Variants in TSC2 observed in about 807,000 individuals in gnomAD.
TSC2 encodes TSC complex subunit 2.
TSC2 carries 29 observed loss-of-function variants against 202.2 expected under a neutral mutation model. That is an observed-to-expected ratio of 0.14 (90% CI 0.11 to 0.20). TSC2 has a LOEUF of 0.20. Among genes scored for constraint, TSC2 ranks in the 10% least tolerant of loss-of-function variants. TSC2 has a pLI of 1.00. For synonymous variants in TSC2, 1,349 were observed against 1,044.0 expected, an observed-to-expected ratio of 1.29 and a Z score of -5.63; for missense variants, 2,429 against 2,420.0, an observed-to-expected ratio of 1.00 and a Z score of -0.08.
intron 22 of TSC2, 114 bp from the exon 23 acceptor site, chr16:2,075,684 TG>T: frequency 9.0e-7 from 1 of 1,111,426 alleles, no homozygotes; most frequent in Non-Finnish European, 1.3e-6. Context: ...CGTGTGGCCG[TG>T]GCCTTCTCTC....
In TSC2 at chr16:2,065,655, C is replaced by T. The variant is rs781703479; in HGVS notation, c.1716+20C>T. ...CTTCAGGTGGGTGTTCTGCACGAGG[C>T]CTCTGCTCCCGGGGCGCGCATGGCT... On this transcript the variant is annotated intron_variant, in intron 16 of 41. Coordinates refer to ENST00000219476, the MANE Select transcript of TSC2 (RefSeq NM_000548.5). 8.1e-6 allele frequency: 13 copies of T among 1,605,414 alleles called. No homozygotes were observed. The highest frequency in any genetic ancestry group is 1.7e-4 in the Middle Eastern group (1 of 5,996).
chr16:2,058,951 G>T, intron 10 of TSC2, 78 bp downstream of exon 10: 1 of 1,561,394 alleles, frequency 6.4e-7, no homozygotes, highest in Non-Finnish European at 8.6e-7. Context: ...TCCCACTGGG[G>T]GTCCTGCTGC....
chr16:2,048,395 G>C (rs2084632641), intron 1 of TSC2, 192 bp from the exon 2 acceptor site: 2 of 850,834 alleles, frequency 2.4e-6, no homozygotes, highest in East Asian at 2.7e-5. Context: ...GACCAGGCCT[G>C]GTGTCTCCCG....
intron 14 of TSC2, chr16:2,063,832 C>T (rs75898012): frequency 7.6e-4 from 212 of 280,490 alleles, no homozygotes; most frequent in African/African-American, 3.2e-3. Context: ...TGAAAACTCA[C>T]GCTGTCCTCA....
chr16:2,067,903 C>T (rs2087626806), intron 16 of TSC2, among the ~76,000 whole-genome samples: 1 of 152,202 alleles, frequency 6.6e-6, no homozygotes, highest in South Asian at 2.1e-4. Context: ...AACTGAGAAC[C>T]TTTCTGCTTC....
chr16:2,078,936 C>A (rs1481407440), intron 26 of TSC2, 96 bp from the exon 27 acceptor site: 27 of 1,556,646 alleles, frequency 1.7e-5, no homozygotes, highest in Non-Finnish European at 2.4e-5. Flanking sequence ...GAGCGAGGTC[C>A]TCAGCCGTGC....
chr16:2,058,146 T>TC (rs1227544770), intron 9 of TSC2, among the ~76,000 whole-genome samples: 1 of 134,216 alleles, frequency 7.5e-6, no homozygotes, highest in Non-Finnish European at 1.6e-5. Context: ...TCTCCCTCCC[T>TC]CCTCCCGTAG....
At chr16:2,054,135 GTA>G in intron 4 of TSC2, 159 bp from the exon 5 acceptor site, 1 of 1,176,036 alleles carries the variant, frequency 8.5e-7, no homozygotes, top group Non-Finnish European at 1.2e-6. Context: ...CCCCTGCCCT[GTA>G]CAATGCTGAT....
intron 36 of TSC2, 130 bp from the exon 37 acceptor site, chr16:2,086,063 A>T: frequency 9.3e-7 from 1 of 1,071,708 alleles, no homozygotes; most frequent in Non-Finnish European, 1.4e-6. Flanking sequence ...TGGCTGCTGG[A>T]ATGGATGGTC....
In TSC2 at chr16:2,088,299, C is replaced by T. The variant is rs760413281; in HGVS notation, c.5233C>T (p.Arg1745Cys). ...CCCCTCCAAGTGGATTGCCCGGCTCCGCCACATCAAGCGGCTCCGCCAGCG... is the reference window on the plus strand; with the variant it reads ...CCCCTCCAAGTGGATTGCCCGGCTCTGCCACATCAAGCGGCTCCGCCAGCG... ...IYPSKWIARL[R>C]HIKRLRQRIC... The change falls in exon 41 of 42, where the codon CGC (arginine) becomes TGC (cysteine). Residue 1745 changes from arginine (R) to cysteine (C), a missense_variant. Arg to Cys is a radical substitution (Grantham distance 180). Coordinates refer to ENST00000219476, the MANE Select transcript of TSC2 (RefSeq NM_000548.5). 33 of 1,612,606 alleles carry T rather than the reference C, an allele frequency of 2.0e-5. No homozygotes were observed. Among genetic ancestry groups the T allele is most frequent in the East Asian group, 4.5e-5 (2 of 44,902 alleles).
At chr16:2,062,700 C>A in intron 13 of TSC2, 100 bp downstream of exon 13, 1 of 1,283,230 alleles carries the variant, frequency 7.8e-7, no homozygotes. Flanking sequence ...ATGAGCAGGG[C>A]CCTCCCCTCT....
In TSC2 at chr16:2,060,827, AGGAGCTCCGG is replaced by A. The variant is rs757984503; in HGVS notation, c.1119+20_1119+29del. The A allele has an allele frequency of 6.2e-7, 1 of 1,612,730 alleles. No homozygotes were observed. Among genetic ancestry groups the A allele is most frequent in the African/African-American group, 1.3e-5 (1 of 75,032 alleles). ...CAGCAGCTCCAGGTGGGGTGGGGGC[AGGAGCTCCGG>A]GGAGCACCGGGAACCCAGACAGGCA... On this transcript the variant is annotated intron_variant, in intron 11 of 41. Coordinates refer to ENST00000219476, the MANE Select transcript of TSC2 (RefSeq NM_000548.5).
At chr16:2,070,728 T>A in intron 17 of TSC2, 150 bp downstream of exon 17, 1 of 1,338,454 alleles carries the variant, frequency 7.5e-7, no homozygotes, top group Non-Finnish European at 1.0e-6. Flanking sequence ...GGCCGCAGCC[T>A]CCCCAGTCCT....
rs750617693 is a variant in TSC2 at position 2,079,399 on chromosome 16, G to C, written c.3255G>C (p.Ser1085=). Residue 1085 remains serine (S), a synonymous_variant, in exon 28 of 42, where the codon TCG becomes TCC. Transcript: ENST00000219476. This position sits in a 1 kb window ranked among gnomAD's most constrained non-coding sequence, Gnocchi z 4.6. ...TGTRSLLGLD[S]GELQSGPESS... is the part of the protein sequence containing the mutation. ...CCCGGTCGTTACTAGGCCTGGACTC[G>C]GGGGAGCTGCAGTCCGGCCCGGAGT... 6 of 1,612,600 alleles carry C rather than the reference G, an allele frequency of 3.7e-6. No homozygotes were observed. Among genetic ancestry groups the C allele is most frequent in the South Asian group, 2.2e-5 (2 of 91,080 alleles).
At chr16:2,070,410 C>T (rs748340992) in intron 16 of TSC2, 46 bp from the exon 17 acceptor site, 35 of 1,612,968 alleles carry the variant, frequency 2.2e-5, no homozygotes, top group East Asian at 1.3e-4. Flanking sequence ...CTTAGGACTG[C>T]GTTTTCACCT....
At chr16:2,049,339 G>C (rs2084791593) in intron 2 of TSC2, among the ~76,000 whole-genome samples, 1 of 151,866 alleles carries the variant, frequency 6.6e-6, no homozygotes. Context: ...GCCCGCTTTG[G>C]CCTCCCAAAG....
intron 19 of TSC2, 73 bp from the exon 20 acceptor site, chr16:2,072,168 G>T (rs2088535194): frequency 1.9e-6 from 3 of 1,607,684 alleles, no homozygotes; most frequent in African/African-American, 1.3e-5. Flanking sequence ...ACAAAGCAGA[G>T]CCTCAGATGC....
intron 5 of TSC2, chr16:2,055,107 C>T: frequency 2.1e-6 from 1 of 484,756 alleles, no homozygotes; most frequent in South Asian, 2.0e-5. Flanking sequence ...CGGCGTCTCC[C>T]AGCCTCGGGT....
intron 26 of TSC2, chr16:2,078,732 C>T (rs957869554): frequency 4.0e-5 from 19 of 471,000 alleles, no homozygotes; most frequent in South Asian, 1.6e-4. Context: ...TACACCGTTT[C>T]GCCAGGAGGC....
Sources: gnomAD v4.1 joint callset for allele counts (sites outside exome capture counted in the v4.1 genomes callset) on GRCh38, gnomAD v4.1.1 for gene constraint, Gnocchi (gnomAD v3.1) non-coding constraint, MANE v1.5 for transcripts, NCBI Gene and HGNC (gene_info 2026-07-23, HGNC 2026-07-21) for gene names.